PYGM: variants seen among roughly 807,000 people sequenced by gnomAD.
PYGM encodes glycogen phosphorylase, muscle form.
PYGM carries 81 observed loss-of-function variants against 99.3 expected under a neutral mutation model. That is an observed-to-expected ratio of 0.82 (90% CI 0.68 to 0.98). The LOEUF is 0.98. Ranked by LOEUF, PYGM falls within the 50% of genes least tolerant of loss-of-function variation. The probability of loss-of-function intolerance (pLI) is 0.00; values close to 1 mark genes in which losing one functional copy is unlikely to be tolerated. For missense variants in PYGM, 1,030 were observed against 1,158.1 expected, an observed-to-expected ratio of 0.89 and a Z score of 1.61; for synonymous variants, 436 against 451.5, an observed-to-expected ratio of 0.97 and a Z score of 0.44.
intron 12 of PYGM, 114 bp from the exon 13 acceptor site, chr11:64,752,618 G>A: frequency 1.8e-6 from 2 of 1,104,822 alleles, no homozygotes; most frequent in Middle Eastern, 2.0e-4. Context: ...CTGCTCTGGG[G>A]GCCCTCCCAG....
chr11:64,754,359 AG>A lies in PYGM; in HGVS notation c.1000-15del. On this transcript the variant is annotated splice_polypyrimidine_tract_variant and intron_variant, in intron 8 of 19. Transcript: ENST00000164139. This position sits in a 1 kb window ranked among gnomAD's most constrained non-coding sequence, Gnocchi z 5.5. ...CTGGATGGCCACCTGGGGTAGGGGGAGGGGTCAGTCTGGGCTCCAAACCACA... is the reference window on the plus strand; with the variant it reads ...CTGGATGGCCACCTGGGGTAGGGGGAGGGTCAGTCTGGGCTCCAAACCACA... 2 of 1,585,504 alleles carry A rather than the reference AG, an allele frequency of 1.3e-6. No homozygotes were observed.
At position 64,746,469 on chromosome 11, in the gene PYGM, G is replaced by T; in HGVS notation, c.*190C>A. Reference sequence around the variant, plus strand: ...CCCCATAAATAGGAGGGGACCGGGAGCCCGAGGACGGAAGGGGGCCCGTGT... The same window carrying T: ...CCCCATAAATAGGAGGGGACCGGGATCCCGAGGACGGAAGGGGGCCCGTGT... On this transcript the variant is annotated 3_prime_UTR_variant, in exon 20 of 20. Coordinates refer to ENST00000164139, the MANE Select transcript of PYGM (RefSeq NM_005609.4). The T allele has an allele frequency of 1.4e-6, 1 of 739,688 alleles. No homozygotes were observed. The highest frequency in any genetic ancestry group is 1.8e-5 in the South Asian group (1 of 57,138). The allele number at this position is 739,688 out of a possible 1,614,324, so 45.8% of individuals were successfully genotyped here.
rs750700202 is a variant in PYGM at position 64,753,640 on chromosome 11, G to A, written c.1282C>T (p.Arg428Cys). ...GCGCCCTCCTCCACCAGCGACATGCGCCGCAGCCGGTCTACGTCCCCTGGG... is the reference window on the plus strand; with the variant it reads ...GCGCCCTCCTCCACCAGCGACATGCACCGCAGCCGGTCTACGTCCCCTGGG... ...AFPGDVDRLR[R>C]MSLVEEGAVK... The change falls in exon 11 of 20, where the codon CGC becomes TGC. Residue 428 changes from arginine to cysteine, a missense_variant. Arg to Cys is a radical substitution (Grantham distance 180). Transcript: ENST00000164139. The A allele has an allele frequency of 8.7e-6, 14 of 1,608,344 alleles. No individual in the cohort carries two copies. The highest frequency in any genetic ancestry group is 2.7e-5 in the African/African-American group (2 of 74,874).
At chr11:64,758,912 T>G (rs749022389) in intron 1 of PYGM, among the ~76,000 whole-genome samples, 2 of 152,128 alleles carry the variant, frequency 1.3e-5, no homozygotes, top group African/African-American at 2.4e-5. Flanking sequence ...CAAATCACTC[T>G]CTTTGGCCTC....
At chr11:64,757,647 GAGTA>G (rs2058402033) in intron 5 of PYGM, 128 bp downstream of exon 5, 2 of 1,347,856 alleles carry the variant, frequency 1.5e-6, no homozygotes, top group Non-Finnish European at 2.1e-6. Flanking sequence ...GTGTGACTTT[GAGTA>G]AGTCACTTAA....
chr11:64,759,231 C>T (rs557824967), intron 1 of PYGM, among the ~76,000 whole-genome samples: 1 of 152,258 alleles, frequency 6.6e-6, no homozygotes, highest in South Asian at 2.1e-4. Flanking sequence ...CCCCACTCCC[C>T]ACCGAGGCGT....
upstream of PYGM, chr11:64,760,015 G>C (rs2058424389): frequency 6.8e-7 from 1 of 1,473,962 alleles, no homozygotes; most frequent in East Asian, 2.3e-5. Context: ...CCTGGCTCTG[G>C]GCAGCACGCC....
At chr11:64,752,870 C>G (rs1292826249) in intron 12 of PYGM, among the ~76,000 whole-genome samples, 4 of 152,230 alleles carry the variant, frequency 2.6e-5, no homozygotes, top group African/African-American at 9.6e-5. Context: ...ACAGCCAGGG[C>G]CTCCATTAGC....
At chr11:64,756,436 G>A (rs778355230) in intron 5 of PYGM, among the ~76,000 whole-genome samples, 4 of 152,206 alleles carry the variant, frequency 2.6e-5, no homozygotes, top group Non-Finnish European at 4.4e-5. Flanking sequence ...AAGATTGCCT[G>A]AACTGGGATT....
At chr11:64,751,686 C>T in intron 14 of PYGM, 31 bp from the exon 15 acceptor site, 2 of 1,612,646 alleles carry the variant, frequency 1.2e-6, no homozygotes, top group East Asian at 4.5e-5. Flanking sequence ...TCCAGTGGGC[C>T]TACCTTTCCC....
Position 64,750,377 on chromosome 11 carries a change from C to G in PYGM, c.2176G>C (p.Gly726Arg). 1 of 1,614,122 alleles carries G rather than the reference C, an allele frequency of 6.2e-7. No individual in the cohort carries two copies. The highest frequency in any genetic ancestry group is 1.3e-5 in the African/African-American group (1 of 75,044). ...VEDVDKLDQR[G>R]YNAQEYYDRI... ...GCCCGTGAACCCTGACCCCCATACC[C>G]TCTTTGGTCAAGCTTATCCACATCC... Residue 726 changes from glycine (G) to arginine (R), a missense_variant and splice_region_variant, in exon 17 of 20, where the codon GGG (glycine) becomes CGG (arginine). By Grantham distance (125) the Gly-to-Arg change is moderately radical (BLOSUM62 -2). Transcript: ENST00000164139.
rs115942812 is a variant in PYGM, at chr11:64,751,655, C to T, written c.1769G>A (p.Arg590His). 4.3e-6 allele frequency: 7 copies of T among 1,613,950 alleles called. No homozygotes were observed. The highest frequency in any genetic ancestry group is 2.7e-5 in the African/African-American group (2 of 75,020). Residue 590 changes from arginine to histidine, a missense_variant and splice_region_variant, in exon 15 of 20, where the codon CGC becomes CAC. By Grantham distance (29) the Arg-to-His change is conservative (BLOSUM62 0). Coordinates refer to ENST00000164139, the MANE Select transcript of PYGM (RefSeq NM_005609.4). ...AAACTTATTGGGCTCCCTCTTGATGCCTGTGGAGAAACGAGAGGGATCCAG... is the reference window on the plus strand; with the variant it reads ...AAACTTATTGGGCTCCCTCTTGATGTCTGTGGAGAAACGAGAGGGATCCAG... ...NCLHVITLYN[R>H]IKREPNKFFV...
At chr11:64,759,581 CCACTTAAGTCAAGATCGCCAG>C (rs1200354228) in intron 1 of PYGM, 54 bp downstream of exon 1, 3 of 1,596,298 alleles carry the variant, frequency 1.9e-6, no homozygotes, top group Non-Finnish European at 2.6e-6. Context: ...CGAGGGGCAG[CCACTTAAGTCAAGATCGCCAG>C]CTCCCTGGCA....
chr11:64,752,794 T>A (rs181690380), intron 12 of PYGM, among the ~76,000 whole-genome samples: 2 of 152,334 alleles, frequency 1.3e-5, no homozygotes, highest in Non-Finnish European at 2.9e-5. Context: ...CTACCAGATA[T>A]CTGCCCCCTT....
At chr11:64,749,697 G>T (rs989749304) in intron 17 of PYGM, among the ~76,000 whole-genome samples, 1 of 151,592 alleles carries the variant, frequency 6.6e-6, no homozygotes, top group Non-Finnish European at 1.5e-5. Context: ...GTAATGCCAG[G>T]ATAATGTCTT....
rs2058382002 is a variant in PYGM, at chr11:64,754,643, G to A, written c.999+50C>T. ...AGGCAGGCCGAGGCTGGAGGGAGAG[G>A]CCTAGCACACACTGTCCGGTCACAG... On this transcript the variant is annotated intron_variant, in intron 8 of 19. Coordinates refer to ENST00000164139, the MANE Select transcript of PYGM (RefSeq NM_005609.4). The surrounding 1 kb of genome is among the most constrained non-coding windows in gnomAD (Gnocchi z 5.5). The A allele has an allele frequency of 3.1e-6, 5 of 1,605,518 alleles. No individual in the cohort carries two copies. The East Asian group carries it at 8.9e-5, about 29-fold the overall frequency.
At chr11:64,756,923 C>CA (rs1200378869) in intron 5 of PYGM, among the ~76,000 whole-genome samples, 1 of 152,176 alleles carries the variant, frequency 6.6e-6, no homozygotes, top group Non-Finnish European at 1.5e-5. Context: ...ACTGAAGCCT[C>CA]AGAGTAGCTG....
rs1467645013 is a variant in PYGM at position 64,746,942 on chromosome 11, C to T, written c.2358G>A (p.Glu786=). ...ADYEDYIKCQ[E]KVSALYKNPR... ...TCACCTTGTACAAGGCGCTGACTTT[C>T]TCCTGGCATTTAATGTAGTCTTCAT... Residue 786 remains glutamate, a synonymous_variant, in exon 19 of 20, where the codon GAG becomes GAA. Coordinates refer to ENST00000164139, the MANE Select transcript of PYGM (RefSeq NM_005609.4). The T allele has an allele frequency of 6.2e-7, 1 of 1,614,200 alleles. No homozygotes were observed. Among genetic ancestry groups the T allele is most frequent in the South Asian group, 1.1e-5 (1 of 91,080 alleles).
At position 64,759,940 on chromosome 11, in the gene PYGM, GA is replaced by G; in HGVS notation, c.-43del. 6.2e-7 allele frequency: 1 copy of G among 1,608,626 alleles called. No individual in the cohort carries two copies. The highest frequency in any genetic ancestry group is 1.1e-5 in the South Asian group (1 of 90,726). On this transcript the variant is annotated 5_prime_UTR_variant, in exon 1 of 20. Coordinates refer to ENST00000164139, the MANE Select transcript of PYGM (RefSeq NM_005609.4). ...GCCGGACTGGACTGATGGTAGAGGG[GA>G]CGGCGGCCTCAGCACTGCCTCCAGC...
Sources: gnomAD v4.1 joint callset for allele counts (sites outside exome capture counted in the v4.1 genomes callset) on GRCh38, gnomAD v4.1.1 for gene constraint, Gnocchi (gnomAD v3.1) non-coding constraint, MANE v1.5 for transcripts, NCBI Gene and HGNC (gene_info 2026-07-23, HGNC 2026-07-21) for gene names.